The following ZNF613 variants were observed in gnomAD, a reference collection of about 807,000 sequenced individuals.
ZNF613 encodes the protein zinc finger protein 613.
A neutral mutation model predicts 14.3 loss-of-function variants in ZNF613; 8 were observed. The observed-to-expected ratio is 0.56, with a 90% confidence interval of 0.33 to 1.01. The LOEUF (loss-of-function observed/expected upper bound fraction) is 1.01. Among genes scored for constraint, ZNF613 ranks in the 50% least tolerant of loss-of-function variants. The pLI, the probability that ZNF613 is intolerant of heterozygous loss-of-function variation, is 0.03. For missense variants in ZNF613, 656 were observed against 741.9 expected (o/e 0.88, Z 1.35); for synonymous variants, 228 against 254.5 (o/e 0.90, Z 0.99).
At position 51,944,280 on chromosome 19, in the gene ZNF613, G is replaced by T; in HGVS notation, c.397G>T (p.Gly133Trp). ...AAATCATGATACATTTGACTTACAT[G>T]GGAAAATACTGAAATCAAATTTAAG... Reference protein sequence around the residue: ...RQNHDTFDLHGKILKSNLSLV... With the variant: ...RQNHDTFDLHWKILKSNLSLV... The change falls in exon 6 of 6, where the codon GGG becomes TGG. Residue 133 changes from glycine to tryptophan, a missense_variant. Physicochemically the swap from Gly to Trp is radical, Grantham distance 184 (BLOSUM62 -2). Coordinates refer to ENST00000293471, the MANE Select transcript of ZNF613 (RefSeq NM_001031721.4). 2 of 1,603,092 alleles carry T rather than the reference G, an allele frequency of 1.2e-6. No homozygotes were observed. Among genetic ancestry groups the T allele is most frequent in the Non-Finnish European group, 1.7e-6 (2 of 1,174,352 alleles).
At position 51,945,601 on chromosome 19, in the gene ZNF613, C is replaced by T. The variant is rs773637815; in HGVS notation, c.1718C>T (p.Thr573Ile). ...GATAAAGACTCTGTTAACATGGTGA[C>T]TCTGCAGATGCCTTCTGTGGCAGCT... is the stretch of plus-strand genomic sequence containing the variant. ...IQDKDSVNMVTLQMPSVAAQT... is the reference protein window; with the variant it reads ...IQDKDSVNMVILQMPSVAAQT... Residue 573 changes from threonine (T) to isoleucine (I), a missense_variant, in exon 6 of 6, where the codon ACT (threonine) becomes ATT (isoleucine). By Grantham distance (89) the Thr-to-Ile change is moderately conservative (BLOSUM62 -1). Transcript: ENST00000293471. 8.7e-6 allele frequency: 14 copies of T among 1,614,066 alleles called. No homozygotes were observed. The South Asian group carries it at 1.4e-4, about 16-fold the overall frequency.
At chr19:51,940,761 T>G in intron 5 of ZNF613, 52 bp downstream of exon 5, 1 of 1,498,368 alleles carries the variant, frequency 6.7e-7, no homozygotes, top group Non-Finnish European at 9.2e-7. Flanking sequence ...AGTCACATGA[T>G]AGTTGTTCAG....
intron 3 of ZNF613, among the ~76,000 whole-genome samples, chr19:51,938,735 T>TATATATATATAG: frequency 7.3e-6 from 1 of 136,236 alleles, no homozygotes; most frequent in African/African-American, 2.8e-5. Flanking sequence ...GATATATATA[T>TATATATATATAG]ATATATATAT....
chr19:51,940,711 T>G lies in ZNF613; in HGVS notation c.235+2T>G. The stretch of plus-strand genomic sequence containing the variant: ...AAATCCACAGCCAAATCTGTCCAGG[T>G]GAGTTCAGGGTGAGAGCCAGCAAGG... On this transcript the variant is annotated splice_donor_variant, in intron 5 of 5. Coordinates refer to ENST00000293471, the MANE Select transcript of ZNF613 (RefSeq NM_001031721.4). LOFTEE classifies it high-confidence loss of function. 1.2e-6 allele frequency: 2 copies of G among 1,610,744 alleles called. No individual in the cohort carries two copies. The highest frequency in any genetic ancestry group is 2.2e-5 in the South Asian group (2 of 90,690).
At chr19:51,935,999 A>C in intron 2 of ZNF613, 29 bp from the exon 3 acceptor site, 7 of 423,998 alleles carry the variant, frequency 1.7e-5, no homozygotes, top group East Asian at 3.6e-5. Flanking sequence ...CCTGCAGGGA[A>C]TGTACACTCA....
chr19:51,939,013 A>G (rs543579874), intron 3 of ZNF613, among the ~76,000 whole-genome samples: 1 of 151,708 alleles, frequency 6.6e-6, no homozygotes, highest in African/African-American at 2.4e-5. Context: ...TATCTGCCTT[A>G]GCCCTTAGAT....
At chr19:51,941,521 G>C (rs1189999572) in intron 5 of ZNF613, among the ~76,000 whole-genome samples, 1 of 151,846 alleles carries the variant, frequency 6.6e-6, no homozygotes, top group African/African-American at 2.4e-5. Context: ...TTAGTAACCT[G>C]GTCTGTTGCT....
intron 3 of ZNF613, 30 bp downstream of exon 3, chr19:51,936,265 T>C: frequency 6.3e-7 from 1 of 1,598,114 alleles, no homozygotes; most frequent in South Asian, 1.1e-5. Context: ...AGTCTTTCCT[T>C]CATCACATGA....
chr19:51,940,930 TTTTA>T (rs1176408790), intron 5 of ZNF613, among the ~76,000 whole-genome samples: 1 of 152,114 alleles, frequency 6.6e-6, no homozygotes, highest in Non-Finnish European at 1.5e-5. Flanking sequence ...ATTTATTTTA[TTTTA>T]TTTATTTATT....
At position 51,929,731 on chromosome 19, in the gene ZNF613, G is replaced by A. The variant is rs940106186; in HGVS notation, c.-358-1G>A. 6.6e-6 allele frequency: 1 copy of A among 151,038 alleles called. No homozygotes were observed. Among genetic ancestry groups the A allele is most frequent in the African/African-American group, 2.4e-5 (1 of 40,962 alleles). 9.4% of individuals were successfully genotyped at this position (151,038 alleles called of 1,614,324 possible). A position where few individuals can be genotyped will look rare whatever the true frequency, so the allele number is the denominator to read the frequency against. On this transcript the variant is annotated splice_acceptor_variant, in intron 1 of 5. Transcript: ENST00000293471. LOFTEE classifies it low-confidence loss of function (5UTR_SPLICE). ...TAATCCACCTTTTTTTCTTTTTATAGAGATGGCATCTCACTATGTTGCCCA... is the reference window on the plus strand; with the variant it reads ...TAATCCACCTTTTTTTCTTTTTATAAAGATGGCATCTCACTATGTTGCCCA...
At chr19:51,940,757 A>G (rs931729468) in intron 5 of ZNF613, 48 bp downstream of exon 5, 5 of 1,518,688 alleles carry the variant, frequency 3.3e-6, no homozygotes, top group Non-Finnish European at 4.5e-6. Context: ...AGCAAGTCAC[A>G]TGATAGTTGT....
chr19:51,928,766 G>C (rs1414726571), intron 1 of ZNF613, among the ~76,000 whole-genome samples: 1 of 150,236 alleles, frequency 6.7e-6, no homozygotes, highest in African/African-American at 2.5e-5. Flanking sequence ...GAGGTGGGAC[G>C]ATCACGTGAC....
At chr19:51,935,161 T>TA (rs35322745) in intron 2 of ZNF613, among the ~76,000 whole-genome samples, 1 of 152,056 alleles carries the variant, frequency 6.6e-6, no homozygotes, top group African/African-American at 2.4e-5. Context: ...GAATTGGGCA[T>TA]AAAAAAAGCC....
At chr19:51,943,081 A>G (rs2085363897) in intron 5 of ZNF613, among the ~76,000 whole-genome samples, 1 of 152,196 alleles carries the variant, frequency 6.6e-6, no homozygotes, top group Non-Finnish European at 1.5e-5. Flanking sequence ...ATTTATATTT[A>G]AAAGGATCAC....
At position 51,940,350 on chromosome 19, in the gene ZNF613, C is replaced by G; in HGVS notation, c.142+15C>G. On this transcript the variant is annotated intron_variant, in intron 4 of 5. Coordinates refer to ENST00000293471, the MANE Select transcript of ZNF613 (RefSeq NM_001031721.4). ...CGTGTCAGTGGGTGAGGACAGCTGC[C>G]CTGTGTCACTCAGAGAGTACCCAGT... The G allele has an allele frequency of 6.2e-7, 1 of 1,612,848 alleles. No homozygotes were observed. Among genetic ancestry groups the G allele is most frequent in the Non-Finnish European group, 8.5e-7 (1 of 1,179,346 alleles).
intron 2 of ZNF613, among the ~76,000 whole-genome samples, chr19:51,932,562 C>G (rs8111193): frequency 0.059 from 8,954 of 151,944 alleles, 764 homozygotes; most frequent in African/African-American, 0.19. Flanking sequence ...CTCCCAAAGT[C>G]CTGGGATTAC....
intron 2 of ZNF613, among the ~76,000 whole-genome samples, chr19:51,934,366 G>A (rs1439691049): frequency 1.3e-5 from 2 of 151,980 alleles, no homozygotes; most frequent in Non-Finnish European, 2.9e-5. Context: ...ATAAACTGAT[G>A]CAAGTGCACC....
chr19:51,929,979 A>C (rs892274766), intron 2 of ZNF613, 83 bp downstream of exon 2: 1 of 152,190 alleles, frequency 6.6e-6, no homozygotes, highest in Non-Finnish European at 1.5e-5. Context: ...GCTTTTCCTA[A>C]TTACAGGTCT....
chr19:51,942,144 C>T (rs2085354871), intron 5 of ZNF613, among the ~76,000 whole-genome samples: 2 of 152,152 alleles, frequency 1.3e-5, no homozygotes, highest in African/African-American at 4.8e-5. Flanking sequence ...TTTCCTTTTC[C>T]TTTTCATAAA....
Sources: gnomAD v4.1 joint callset for allele counts (sites outside exome capture counted in the v4.1 genomes callset) on GRCh38, gnomAD v4.1.1 for gene constraint, MANE v1.5 for transcripts, NCBI Gene and HGNC (gene_info 2026-07-23, HGNC 2026-07-21) for gene names.